The following TG variants were observed in gnomAD, a reference collection of about 807,000 sequenced individuals.
TG encodes the protein thyroid hormones.
TG carries 270 observed loss-of-function variants against 324.7 expected under a neutral mutation model. The ratio of observed to expected loss-of-function variants is 0.83; its 90% CI spans 0.75 to 0.92. The LOEUF is 0.92. Among genes scored for constraint, TG ranks in the 40% least tolerant of loss-of-function variants. The pLI, the probability that TG is intolerant of heterozygous loss-of-function variation, is 0.00. For synonymous variants in TG, 1,401 were observed against 1,327.0 expected (o/e 1.06, Z -1.21); for missense variants, 3,591 against 3,456.4 (o/e 1.04, Z -0.98).
chr8:132,988,452 C>T (rs1831883455), intron 35 of TG, among the ~76,000 whole-genome samples: 1 of 30,320 alleles, frequency 3.3e-5, no homozygotes, highest in Non-Finnish European at 7.8e-5. Context: ...GCGTAAAGTG[C>T]ATTGGATACT....
intron 41 of TG, among the ~76,000 whole-genome samples, chr8:133,092,238 A>G (rs564210072): frequency 3.0e-4 from 46 of 152,310 alleles, no homozygotes; most frequent in African/African-American, 1.1e-3. Flanking sequence ...GGCCAGGCGC[A>G]GGCCCTGACT....
At position 132,969,499 on chromosome 8, in the gene TG, C is replaced by G. The variant is rs1251923924; in HGVS notation, c.5905C>G (p.Pro1969Ala). Residue 1969 changes from proline (P) to alanine (A), a missense_variant, in exon 32 of 48, where the codon CCG (proline) becomes GCG (alanine). Pro to Ala is a conservative substitution (Grantham distance 27). Transcript: ENST00000220616. ...DKVKNFYTRL[P>A]FQKLMGISIR... The stretch of plus-strand genomic sequence containing the variant: ...AGTGAAGAACTTTTACACTCGCCTG[C>G]CGTTCCAAAAACTGATGGGGATATC... The G allele has an allele frequency of 6.2e-7, 1 of 1,613,942 alleles. No homozygotes were observed.
At chr8:132,965,182 C>T (rs1159482124) in intron 29 of TG, among the ~76,000 whole-genome samples, 2 of 151,994 alleles carry the variant, frequency 1.3e-5, no homozygotes, top group East Asian at 1.9e-4. Flanking sequence ...AGGTCTCTGT[C>T]CTCTTGTGCC....
chr8:132,983,359 AT>A lies in TG; in HGVS notation c.6210del (p.Asn2070LysfsTer83). 6.2e-7 allele frequency: 1 copy of A among 1,614,138 alleles called. No individual in the cohort carries two copies. The highest frequency in any genetic ancestry group is 8.5e-7 in the Non-Finnish European group (1 of 1,180,008). On this transcript the variant is annotated frameshift_variant, in exon 35 of 48. Coordinates refer to ENST00000220616, the MANE Select transcript of TG (RefSeq NM_003235.5). LOFTEE classifies it high-confidence loss of function. ...FGWYQKPIAQNNAPSFCPLVV... is the reference protein window; with the variant it reads ...FGWYQKPIAQXNAPSFCPLVV... ...GCTTTTTCCTTTTCAGTTGCTCAAA[AT>A]AATGCTCCCAGTTTTTGCCCTTTGG...
In TG at chr8:132,866,994, C is replaced by T; in HGVS notation, c.-7C>T. On this transcript the variant is annotated 5_prime_UTR_variant, in exon 1 of 48. Transcript: ENST00000220616. ...TCTCCTCCTTCCTCCCAGGAAGGGC[C>T]AGGAAAATGGCCCTGGTCCTGGAGA... 1 of 1,589,794 alleles carries T rather than the reference C, an allele frequency of 6.3e-7. No individual in the cohort carries two copies. The highest frequency in any genetic ancestry group is 1.1e-5 in the South Asian group (1 of 87,620).
At chr8:133,127,539 G>T (rs1016805543) in intron 45 of TG, among the ~76,000 whole-genome samples, 1 of 152,154 alleles carries the variant, frequency 6.6e-6, no homozygotes, top group Non-Finnish European at 1.5e-5. Flanking sequence ...CCTTCCAAAA[G>T]AAATGCAACT....
At chr8:132,878,622 A>C (rs201810513) in intron 5 of TG, among the ~76,000 whole-genome samples, 5,461 of 139,470 alleles carry the variant, frequency 0.039, 246 homozygotes, top group African/African-American at 0.11. Context: ...AAAAAAAAAC[A>C]AAAAAAAAAC....
chr8:132,936,504 A>G lies in TG; in HGVS notation c.5041+640A>G, dbSNP rs773564180. ...TGCCAGTGCTGCTGGTCCGGGGACCACACTTTGAGTAGCAAGCTGTGTCGT... is the reference window on the plus strand; with the variant it reads ...TGCCAGTGCTGCTGGTCCGGGGACCGCACTTTGAGTAGCAAGCTGTGTCGT... On this transcript the variant is annotated intron_variant, in intron 25 of 47. Transcript: ENST00000220616. 6.6e-5 allele frequency among the ~76,000 whole-genome samples: 10 copies of G among 152,214 alleles called. No individual in the cohort carries two copies. In the South Asian group the frequency reaches 1.0e-3, roughly 16 times the overall value.
intron 17 of TG, among the ~76,000 whole-genome samples, chr8:132,907,228 G>A (rs712054): frequency 0.48 from 73,084 of 151,936 alleles, 21,032 homozygotes; most frequent in Non-Finnish European, 0.62. Flanking sequence ...CAGCTGGATA[G>A]GTGGCTCACA....
At chr8:133,120,221 G>A (rs1207026014) in intron 45 of TG, among the ~76,000 whole-genome samples, 1 of 152,204 alleles carries the variant, frequency 6.6e-6, no homozygotes, top group Non-Finnish European at 1.5e-5. Flanking sequence ...TTCATTAAAA[G>A]CCTTACAAAT....
Position 133,133,482 on chromosome 8 carries a change from C to A in TG, c.8010C>A (p.Tyr2670Ter). The change falls in exon 47 of 48, where the codon TAC (tyrosine) becomes TAA (stop). Residue 2670 changes from tyrosine to a stop codon, truncating the protein, a stop_gained. Transcript: ENST00000220616. LOFTEE classifies it high-confidence loss of function. ...SHFIRSGNPN[Y>*]PYEFSRKVPT... Reference sequence around the variant, plus strand: ...CTCATTTGCCCAGAAATCCCAACTACCCTTATGAGTTCTCACGGAAAGTAC... The same window carrying A: ...CTCATTTGCCCAGAAATCCCAACTAACCTTATGAGTTCTCACGGAAAGTAC... The A allele has an allele frequency of 6.2e-7, 1 of 1,614,194 alleles. No homozygotes were observed. Among genetic ancestry groups the A allele is most frequent in the East Asian group, 2.2e-5 (1 of 44,886 alleles).
intron 41 of TG, among the ~76,000 whole-genome samples, chr8:133,030,451 T>C (rs761955067): frequency 6.6e-6 from 1 of 152,174 alleles, no homozygotes; most frequent in Non-Finnish European, 1.5e-5. Flanking sequence ...GATAATGATG[T>C]TGGTGATGAT....
chr8:132,937,318 C>T (rs1158119697), intron 25 of TG, among the ~76,000 whole-genome samples: 1 of 152,178 alleles, frequency 6.6e-6, no homozygotes, highest in Non-Finnish European at 1.5e-5. Context: ...TGCCACAGCC[C>T]AGGCCCAAAG....
chr8:132,958,725 T>G (rs1212704105), intron 27 of TG, among the ~76,000 whole-genome samples: 1 of 141,810 alleles, frequency 7.1e-6, no homozygotes, highest in Non-Finnish European at 1.6e-5. Context: ...AAAAAAAGTT[T>G]CAAAAAAATT....
At chr8:133,118,320 C>CTTTTTTTTTTT (rs34171048) in intron 45 of TG, among the ~76,000 whole-genome samples, 2 of 88,968 alleles carry the variant, frequency 2.2e-5, no homozygotes, top group Non-Finnish European at 4.4e-5. Context: ...CAGATTCTTC[C>CTTTTTTTTTTT]TTTTTTTTTT....
rs942718544 is a variant in TG at position 132,920,996 on chromosome 8, T to C, written c.4528+1471T>C. 2.0e-5 allele frequency among the ~76,000 whole-genome samples: 3 copies of C among 152,274 alleles called. No homozygotes were observed. The South Asian group carries it at 6.2e-4, about 31-fold the overall frequency. On this transcript the variant is annotated intron_variant, in intron 21 of 47. Transcript: ENST00000220616. The stretch of plus-strand genomic sequence containing the variant: ...GTGTGCCCACATGATTGGGTTCTTG[T>C]TGAAGGCTCTCTTTCTGTTTATGTC...
chr8:132,979,116 A>G (rs1830520623), intron 34 of TG, among the ~76,000 whole-genome samples: 1 of 152,136 alleles, frequency 6.6e-6, no homozygotes, highest in Admixed American at 6.5e-5. Context: ...CCTCCAGAGG[A>G]CAAGGGTATA....
intron 27 of TG, among the ~76,000 whole-genome samples, chr8:132,952,562 C>T (rs137877327): frequency 3.3e-5 from 5 of 152,250 alleles, no homozygotes; most frequent in East Asian, 1.9e-4. Context: ...GATCAATTCA[C>T]GGGTACTATC....
At position 132,882,803 on chromosome 8, in the gene TG, A is replaced by C. The variant is rs1554653467; in HGVS notation, c.890-11A>C. ...TGACACTGTCTTCTTTACTGTGTGG[A>C]TTTCCTCTAGGCCCCACAAAATGTG... On this transcript the variant is annotated splice_polypyrimidine_tract_variant and intron_variant, in intron 7 of 47. Coordinates refer to ENST00000220616, the MANE Select transcript of TG (RefSeq NM_003235.5). 6.2e-7 allele frequency: 1 copy of C among 1,614,164 alleles called. No individual in the cohort carries two copies. Among genetic ancestry groups the C allele is most frequent in the East Asian group, 2.2e-5 (1 of 44,874 alleles).
Sources: gnomAD v4.1 joint callset for allele counts (sites outside exome capture counted in the v4.1 genomes callset) on GRCh38, gnomAD v4.1.1 for gene constraint, MANE v1.5 for transcripts, NCBI Gene and HGNC (gene_info 2026-07-23, HGNC 2026-07-21) for gene names.